The following DNM3 variants were observed in gnomAD, a reference collection of about 807,000 sequenced individuals.
The protein encoded by DNM3 is dynamin 3, also known as dynamin-3.
In DNM3, 47 loss-of-function variants were observed where a neutral mutation model predicts 101.6. That is an observed-to-expected ratio of 0.46 (90% CI 0.37 to 0.59). The LOEUF (loss-of-function observed/expected upper bound fraction) is 0.59, where lower values mean the gene tolerates loss of function less well. Ranked by LOEUF, DNM3 falls within the 20% of genes least tolerant of loss-of-function variation. The pLI is 0.00. For synonymous variants in DNM3, 385 were observed against 387.9 expected, an observed-to-expected ratio of 0.99 and a Z score of 0.09; for missense variants, 849 against 1,085.7, an observed-to-expected ratio of 0.78 and a Z score of 3.06.
chr1:172,184,422 G>GTGAT (rs779400001), intron 14 of DNM3, among the ~76,000 whole-genome samples: 2 of 152,078 alleles, frequency 1.3e-5, no homozygotes, highest in Non-Finnish European at 2.9e-5. Context: ...TTGGGAGTTG[G>GTGAT]TGATTGAAAA....
At chr1:171,867,790 G>A (rs1010672488) in intron 1 of DNM3, among the ~76,000 whole-genome samples, 1 of 151,994 alleles carries the variant, frequency 6.6e-6, no homozygotes, top group Non-Finnish European at 1.5e-5. Context: ...GGTACCGTTG[G>A]TCATATATCA....
chr1:171,980,957 G>A (rs2044748015), intron 2 of DNM3, among the ~76,000 whole-genome samples: 1 of 151,876 alleles, frequency 6.6e-6, no homozygotes, highest in African/African-American at 2.4e-5. Flanking sequence ...TTTTCATAGA[G>A]ACAGGGTGTC....
chr1:171,846,416 G>T (rs78270873), intron 1 of DNM3, among the ~76,000 whole-genome samples: 3 of 151,982 alleles, frequency 2.0e-5, no homozygotes, highest in African/African-American at 4.8e-5. Context: ...AATGAAGTTG[G>T]GCAGTCACCC....
chr1:172,084,291 CCT>C (rs1054985013), intron 12 of DNM3, among the ~76,000 whole-genome samples: 2 of 151,808 alleles, frequency 1.3e-5, no homozygotes, highest in African/African-American at 4.8e-5. Context: ...AGAGATCCTC[CCT>C]GTCTCTCACT....
rs184274139 is a variant in DNM3, at chr1:172,372,165, G to A, written c.1894-6853G>A. Among the ~76,000 whole-genome samples, 518 of 146,440 alleles carry A rather than the reference G, an allele frequency of 3.5e-3. 3 individuals carry two copies. Among genetic ancestry groups the A allele is most frequent in the Non-Finnish European group, 5.4e-3 (366 of 67,186 alleles). On this transcript the variant is annotated intron_variant, in intron 17 of 20. Coordinates refer to ENST00000627582, the MANE Select transcript of DNM3 (RefSeq NM_015569.5). ...CCACCTAGGAGTGAGAATATGCGGT[G>A]TTTGGTTTTTTGTTCTTGCGATAGT...
At chr1:172,010,919 T>C (rs966291555) in intron 4 of DNM3, among the ~76,000 whole-genome samples, 1 of 151,942 alleles carries the variant, frequency 6.6e-6, no homozygotes, top group Non-Finnish European at 1.5e-5. Context: ...ACAGATATTT[T>C]TTCCCTGACG....
intron 17 of DNM3, among the ~76,000 whole-genome samples, chr1:172,367,808 G>T (rs559351604): frequency 6.6e-6 from 1 of 151,944 alleles, no homozygotes; most frequent in East Asian, 1.9e-4. Flanking sequence ...GTTTCACTGT[G>T]TCCCCACCCA....
intron 2 of DNM3, among the ~76,000 whole-genome samples, chr1:171,939,848 A>T (rs956650775): frequency 1.3e-5 from 2 of 152,148 alleles, no homozygotes; most frequent in South Asian, 4.1e-4. Context: ...AACAACAGAA[A>T]TCATAGATCA....
intron 2 of DNM3, among the ~76,000 whole-genome samples, chr1:171,963,911 C>G (rs946532815): frequency 6.6e-6 from 1 of 151,954 alleles, no homozygotes; most frequent in African/African-American, 2.4e-5. Context: ...TTCAAAAAAC[C>G]TGAAATACTA....
At chr1:172,394,334 A>T (rs1359919932) in intron 20 of DNM3, 4 of 152,252 alleles carry the variant, frequency 2.6e-5, no homozygotes, top group Non-Finnish European at 5.9e-5. Context: ...GGAGCTTTGC[A>T]GATGCGTCAA....
At chr1:171,865,129 C>G (rs1243353719) in intron 1 of DNM3, among the ~76,000 whole-genome samples, 2 of 129,308 alleles carry the variant, frequency 1.5e-5, no homozygotes, top group African/African-American at 2.8e-5. Context: ...AGGTGGCTTC[C>G]TACAAACTAT....
chr1:171,949,931 T>C (rs114186506), intron 2 of DNM3, among the ~76,000 whole-genome samples: 1 of 152,214 alleles, frequency 6.6e-6, no homozygotes, highest in African/African-American at 2.4e-5. Context: ...AGGTACAGTA[T>C]TTACCCAAGA....
intron 1 of DNM3, among the ~76,000 whole-genome samples, chr1:171,854,917 C>T (rs1366473890): frequency 6.6e-6 from 1 of 152,020 alleles, no homozygotes; most frequent in Non-Finnish European, 1.5e-5. Context: ...GGCACATGTG[C>T]AGGTTTGTTT....
intron 11 of DNM3, among the ~76,000 whole-genome samples, chr1:172,078,098 G>C (rs985858353): frequency 3.3e-5 from 5 of 151,386 alleles, no homozygotes; most frequent in African/African-American, 1.2e-4. Context: ...TTTTGTTGTT[G>C]TTATTGTTTT....
chr1:172,413,551 G>T (rs926158184), downstream of DNM3, among the ~76,000 whole-genome samples: 1 of 152,182 alleles, frequency 6.6e-6, no homozygotes, highest in African/African-American at 2.4e-5. Flanking sequence ...TTAAGAGAAT[G>T]TATTCAGAAA....
intron 14 of DNM3, among the ~76,000 whole-genome samples, chr1:172,226,457 C>G (rs2061125648): frequency 6.6e-6 from 1 of 152,148 alleles, no homozygotes; most frequent in Non-Finnish European, 1.5e-5. Flanking sequence ...TGTACTAGCT[C>G]TTTTCTTTTT....
At chr1:172,009,017 ACT>A in intron 4 of DNM3, among the ~76,000 whole-genome samples, 1 of 138,168 alleles carries the variant, frequency 7.2e-6, no homozygotes, top group Middle Eastern at 3.8e-3. Flanking sequence ...ACATGCATGT[ACT>A]TATTTATATA....
chr1:171,893,891 C>T (rs2037520309), intron 1 of DNM3, among the ~76,000 whole-genome samples: 1 of 152,134 alleles, frequency 6.6e-6, no homozygotes, highest in Non-Finnish European at 1.5e-5. Context: ...ATAAAGATAT[C>T]TCATAATCTT....
At chr1:172,091,593 G>A (rs967449939) in intron 12 of DNM3, among the ~76,000 whole-genome samples, 1 of 152,196 alleles carries the variant, frequency 6.6e-6, no homozygotes, top group African/African-American at 2.4e-5. Flanking sequence ...GCAGATGCCA[G>A]TGTGGCTGGA....
Sources: allele counts gnomAD v4.1 joint callset (sites outside exome capture counted in the v4.1 genomes callset), GRCh38; gene constraint gnomAD v4.1.1; transcripts MANE v1.5; gene names NCBI Gene and HGNC (gene_info 2026-07-23, HGNC 2026-07-21).